Variants in PCDHA2 observed in about 807,000 individuals in gnomAD.
PCDHA2 encodes the protein protocadherin alpha 2, also known as protocadherin alpha-2.
In PCDHA2, 58 loss-of-function variants were observed where a neutral mutation model predicts 66.0. The observed-to-expected ratio is 0.88, with a 90% CI of 0.71 to 1.09. The LOEUF (loss-of-function observed/expected upper bound fraction) is 1.09. Among genes scored for constraint, PCDHA2 ranks in the 50% least tolerant of loss-of-function variants. PCDHA2 has a pLI of 0.00. For missense variants in PCDHA2, 1,267 were observed against 1,242.3 expected, an observed-to-expected ratio of 1.02 and a Z score of -0.30; for synonymous variants, 634 against 554.0, an observed-to-expected ratio of 1.14 and a Z score of -2.03.
At chr5:140,798,540 C>A (rs996252357) in intron 1 of PCDHA2, among the ~76,000 whole-genome samples, 4 of 152,166 alleles carry the variant, frequency 2.6e-5, no homozygotes, top group Admixed American at 1.3e-4. Flanking sequence ...GTATCATTAT[C>A]ATTAGGCCAA....
chr5:140,835,553 GC>G (rs1562346657), intron 1 of PCDHA2: 4 of 1,613,754 alleles, frequency 2.5e-6, no homozygotes, highest in Non-Finnish European at 3.4e-6. Flanking sequence ...GCTCCCTGAC[GC>G]CCCGCGTTCC....
chr5:140,797,165 C>T lies in PCDHA2; in HGVS notation c.2201C>T (p.Pro734Leu), dbSNP rs1320062753. ...SVPPTEGARAPGKPTLVCSSA... is the reference protein window; with the variant it reads ...SVPPTEGARALGKPTLVCSSA... ...CCACCCACCGAGGGTGCGCGCGCGC[C>T]AGGAAAGCCCACGCTGGTGTGCTCC... Residue 734 changes from proline (P) to leucine (L), a missense_variant, in exon 1 of 4, where the codon CCA becomes CTA. By Grantham distance (98) the Pro-to-Leu change is moderately conservative. Coordinates refer to ENST00000526136, the MANE Select transcript of PCDHA2 (RefSeq NM_018905.3). 1 of 1,614,054 alleles carries T rather than the reference C, an allele frequency of 6.2e-7. No individual in the cohort carries two copies. The highest frequency in any genetic ancestry group is 8.5e-7 in the Non-Finnish European group (1 of 1,180,024).
chr5:140,984,243 C>T (rs781830326), intron 3 of PCDHA2, among the ~76,000 whole-genome samples: 2 of 152,246 alleles, frequency 1.3e-5, no homozygotes, highest in Non-Finnish European at 2.9e-5. Context: ...CATTGTAGGT[C>T]GACCTGGTAA....
chr5:140,873,821 T>C (rs562633), intron 1 of PCDHA2, among the ~76,000 whole-genome samples: 2,262 of 152,230 alleles, frequency 0.015, 53 homozygotes, highest in African/African-American at 0.052. Context: ...CCACCACTCC[T>C]GGCTAATTTT....
At chr5:140,835,661 C>T (rs782249131) in intron 1 of PCDHA2, 1 of 1,613,886 alleles carries the variant, frequency 6.2e-7, no homozygotes, top group Non-Finnish European at 8.5e-7. Context: ...TGGTGGTTAC[C>T]GCGCGGGACG....
intron 1 of PCDHA2, chr5:140,926,948 C>A: frequency 1.3e-6 from 2 of 1,589,774 alleles, no homozygotes; most frequent in South Asian, 1.1e-5. Flanking sequence ...GGCGCTGCAG[C>A]GGGACAGCTC....
At chr5:140,814,884 T>G (rs2126659820) in intron 1 of PCDHA2, 2 of 152,350 alleles carry the variant, frequency 1.3e-5, no homozygotes, top group South Asian at 4.1e-4. Context: ...TGGGTGCATA[T>G]GTATTTATAA....
At chr5:140,899,200 T>G (rs1554188457) in intron 1 of PCDHA2, among the ~76,000 whole-genome samples, 2 of 151,512 alleles carry the variant, frequency 1.3e-5, no homozygotes, top group Admixed American at 1.3e-4. Context: ...CCTGCCTAAT[T>G]GCCCTGGCCA....
In PCDHA2 at chr5:140,858,295, G is replaced by T. The variant is rs190932191; in HGVS notation, c.2388+60943G>T. 8.8e-5 allele frequency: 140 copies of T among 1,597,360 alleles called. 13 individuals are homozygous for T. Among genetic ancestry groups the T allele is most frequent in the African/African-American group, 2.6e-4 (19 of 74,394 alleles). The stretch of plus-strand genomic sequence containing the variant: ...GCGCGGTGGGGAGCTGGTCTTACTC[G>T]CAGCAGAGGCGGCAGAGGGTGTGTT... On this transcript the variant is annotated intron_variant, in intron 1 of 3. Transcript: ENST00000526136.
rs75203598 is a variant in PCDHA2, at chr5:140,915,428, C to T, written c.2389-63521C>T. 8.0e-3 allele frequency among the ~76,000 whole-genome samples: 1,217 copies of T among 152,162 alleles called. 6 individuals are homozygous for T. The highest frequency in any genetic ancestry group is 0.019 in the African/African-American group (786 of 41,514). On this transcript the variant is annotated intron_variant, in intron 1 of 3. Transcript: ENST00000526136. The stretch of plus-strand genomic sequence containing the variant: ...TCTTTGCAGTCTGGGCTTGTTTATC[C>T]CTGTCCTTCTTGAGAAGGTTTTCCA...
intron 1 of PCDHA2, among the ~76,000 whole-genome samples, chr5:140,961,590 A>C (rs1554225489): frequency 2.0e-5 from 3 of 152,100 alleles, no homozygotes; most frequent in Non-Finnish European, 4.4e-5. Flanking sequence ...TATTTTGGCA[A>C]TGATTCTAGT....
chr5:140,847,032 A>C (rs1780821706), intron 1 of PCDHA2, among the ~76,000 whole-genome samples: 1 of 149,836 alleles, frequency 6.7e-6, no homozygotes. Context: ...GAAAGAGAAA[A>C]CATAAGGAAA....
Position 140,843,003 on chromosome 5 carries a change from A to G in PCDHA2, c.2388+45651A>G, listed in dbSNP as rs2150349772. 1.9e-6 allele frequency: 3 copies of G among 1,594,854 alleles called. No individual in the cohort carries two copies. The African/African-American group carries it at 4.0e-5, about 21-fold the overall frequency. On this transcript the variant is annotated intron_variant, in intron 1 of 3. Coordinates refer to ENST00000526136, the MANE Select transcript of PCDHA2 (RefSeq NM_018905.3). ...GTGTTCGTGCTGGACGAGAATGACAACGCGCCGGCACTGCTGGAGCCTCGG... is the reference window on the plus strand; with the variant it reads ...GTGTTCGTGCTGGACGAGAATGACAGCGCGCCGGCACTGCTGGAGCCTCGG...
Position 140,982,561 on chromosome 5 carries a change from C to T in PCDHA2, c.2534C>T (p.Pro845Leu), listed in dbSNP as rs560422677. 11 of 1,614,060 alleles carry T rather than the reference C, an allele frequency of 6.8e-6. No individual in the cohort carries two copies. Among genetic ancestry groups the T allele is most frequent in the Non-Finnish European group, 9.3e-6 (11 of 1,179,970 alleles). Residue 845 changes from proline to leucine, a missense_variant and splice_region_variant, in exon 3 of 4, where the codon CCA becomes CTA. Pro to Leu is a moderately conservative substitution (Grantham distance 98). Coordinates refer to ENST00000526136, the MANE Select transcript of PCDHA2 (RefSeq NM_018905.3). Reference protein sequence around the residue: ...QQWPTVSSATPEPEAGEVSPP... With the variant: ...QQWPTVSSATLEPEAGEVSPP... ...TGGCCAACAGTATCCAGTGCAACAC[C>T]AGGTAAAGAGCTGGGGTCTCTCCAT...
chr5:140,857,755 T>G (rs1427129030), intron 1 of PCDHA2: 1 of 1,597,184 alleles, frequency 6.3e-7, no homozygotes, highest in Non-Finnish European at 8.6e-7. Flanking sequence ...CGTCTCCCGC[T>G]GGCAGCGCGG....
intron 1 of PCDHA2, chr5:140,842,489 A>G (rs1778000282): frequency 6.2e-7 from 1 of 1,613,908 alleles, no homozygotes; most frequent in Middle Eastern, 1.6e-4. Context: ...CTGCTCCCTG[A>G]TGCCCCATGT....
At chr5:140,819,834 T>C (rs1554127752) in intron 1 of PCDHA2, among the ~76,000 whole-genome samples, 1 of 152,062 alleles carries the variant, frequency 6.6e-6, no homozygotes, top group East Asian at 1.9e-4. Context: ...ATATTGTTGA[T>C]GACTTTTTCT....
chr5:140,934,349 T>C (rs1466597753), intron 1 of PCDHA2, among the ~76,000 whole-genome samples: 2 of 152,202 alleles, frequency 1.3e-5, no homozygotes, highest in African/African-American at 4.8e-5. Flanking sequence ...CAGTACAGTG[T>C]GGAGCCACTG....
intron 1 of PCDHA2, chr5:140,849,147 G>A (rs2150431262): frequency 2.3e-6 from 3 of 1,282,624 alleles, no homozygotes; most frequent in South Asian, 2.7e-5. Context: ...CACCGATGGA[G>A]GCAAACCCGA....
Sources: allele counts gnomAD v4.1 joint callset (sites outside exome capture counted in the v4.1 genomes callset), GRCh38; gene constraint gnomAD v4.1.1; transcripts MANE v1.5; gene names NCBI Gene and HGNC (gene_info 2026-07-23, HGNC 2026-07-21).